The following DPH6 variants were observed in gnomAD, a reference collection of about 807,000 sequenced individuals.
The protein encoded by DPH6 is diphthine--ammonia ligase.
In DPH6, 33 loss-of-function variants were observed where a neutral mutation model predicts 38.2. The ratio of observed to expected loss-of-function variants is 0.86; its 90% CI spans 0.65 to 1.15. The LOEUF is 1.15. DPH6 is among the 50% of genes most tolerant of loss of function. The pLI is 0.00. For synonymous variants in DPH6, 108 were observed against 103.0 expected, an observed-to-expected ratio of 1.05 and a Z score of -0.30; for missense variants, 325 against 320.0, an observed-to-expected ratio of 1.02 and a Z score of -0.12.
At chr15:35,313,840 A>G (rs1299011427) in intron 3 of DPH6, among the ~76,000 whole-genome samples, 1 of 152,180 alleles carries the variant, frequency 6.6e-6, no homozygotes, top group Non-Finnish European at 1.5e-5. Context: ...CTATGAAACT[A>G]CTAGAAGAAA....
intron 6 of DPH6, among the ~76,000 whole-genome samples, chr15:35,403,977 G>A (rs1179696792): frequency 6.6e-6 from 1 of 152,070 alleles, no homozygotes; most frequent in Non-Finnish European, 1.5e-5. Flanking sequence ...AATGTGTGAT[G>A]TTTGTATTTC....
At chr15:35,167,074 A>G in the DPH6 span, among the ~76,000 whole-genome samples, 4 of 152,048 alleles carry the variant, frequency 2.6e-5, no homozygotes, top group African/African-American at 9.7e-5. Flanking sequence ...CAGATTAGGG[A>G]AATCTATTTA....
At chr15:35,420,811 G>T (rs891093768) in intron 5 of DPH6, among the ~76,000 whole-genome samples, 8 of 152,114 alleles carry the variant, frequency 5.3e-5, no homozygotes, top group Non-Finnish European at 8.8e-5. Context: ...ACTGTGCCTG[G>T]CCTAAAACTG....
the DPH6 span, among the ~76,000 whole-genome samples, chr15:35,151,725 C>T: frequency 1.3e-5 from 2 of 152,134 alleles, no homozygotes; most frequent in African/African-American, 4.8e-5. Context: ...TCTGGGCCAC[C>T]CTTGACCCTG....
downstream of DPH6, among the ~76,000 whole-genome samples, chr15:35,326,607 A>G (rs1441936941): frequency 6.6e-6 from 1 of 151,908 alleles, no homozygotes; most frequent in African/African-American, 2.4e-5. Flanking sequence ...AATTTTTAAA[A>G]AAATTTTTTG....
chr15:35,402,029 T>C (rs917995663), intron 6 of DPH6, among the ~76,000 whole-genome samples: 3 of 152,236 alleles, frequency 2.0e-5, no homozygotes, highest in Admixed American at 1.3e-4. Flanking sequence ...GGTATCAATG[T>C]AGATGTTTTT....
chr15:35,172,569 T>C, the DPH6 span, among the ~76,000 whole-genome samples: 2 of 152,188 alleles, frequency 1.3e-5, no homozygotes, highest in African/African-American at 4.8e-5. Flanking sequence ...ATACAGAGCA[T>C]CATTTGTGGT....
chr15:35,255,918 A>G (rs1292090287), intron 3 of DPH6, among the ~76,000 whole-genome samples: 2 of 152,154 alleles, frequency 1.3e-5, no homozygotes, highest in Non-Finnish European at 2.9e-5. Flanking sequence ...CACACATCAT[A>G]TGTGCACACA....
chr15:35,436,494 C>CAAACAAA lies in DPH6; in HGVS notation c.505+14190_505+14191insTTTGTTT, dbSNP rs1566909220. Among the ~76,000 whole-genome samples, 3 of 9,134 alleles carry CAAACAAA rather than the reference C, an allele frequency of 3.3e-4. 1 individual carries two copies. The highest frequency in any genetic ancestry group is 7.3e-4 in the African/African-American group (3 of 4,130). The allele number at this position is 9,134 out of a possible 152,430, so 6.0% of individuals were successfully genotyped here. On this transcript the variant is annotated intron_variant, in intron 5 of 8. Coordinates refer to ENST00000256538, the MANE Select transcript of DPH6 (RefSeq NM_080650.4). ...CAAAACAAACAAAAACAAAACAAAA[C>CAAACAAA]AAAACAAAACAAAACAAAACAAAAA...
chr15:35,369,056 A>G (rs2052687129), downstream of DPH6, among the ~76,000 whole-genome samples: 2 of 151,882 alleles, frequency 1.3e-5, no homozygotes, highest in East Asian at 3.9e-4. Flanking sequence ...GAAGCTACTG[A>G]AGAAGATAGG....
the DPH6 span, among the ~76,000 whole-genome samples, chr15:35,161,688 T>C: frequency 6.7e-3 from 247 of 36,678 alleles, no homozygotes; most frequent in African/African-American, 0.021. Flanking sequence ...AGCTTGCTAG[T>C]GTGCTCGCTC....
At chr15:35,319,612 G>A (rs374143938) in intron 3 of DPH6, among the ~76,000 whole-genome samples, 9 of 152,132 alleles carry the variant, frequency 5.9e-5, no homozygotes, top group African/African-American at 1.7e-4. Flanking sequence ...GTGTTGGTGC[G>A]TGCCTATAAT....
chr15:35,543,726 G>A (rs912924241), intron 1 of DPH6, among the ~76,000 whole-genome samples: 1 of 152,072 alleles, frequency 6.6e-6, no homozygotes, highest in African/African-American at 2.4e-5. Flanking sequence ...CAAGTGGAAG[G>A]AGAGCACAAG....
chr15:35,491,602 C>A (rs993936696), intron 3 of DPH6, among the ~76,000 whole-genome samples: 4 of 149,522 alleles, frequency 2.7e-5, no homozygotes, highest in Non-Finnish European at 6.0e-5. Flanking sequence ...TTCTCTCTCT[C>A]GATATATATA....
intron 3 of DPH6, among the ~76,000 whole-genome samples, chr15:35,477,832 T>C (rs1298633458): frequency 6.6e-6 from 1 of 151,952 alleles, no homozygotes; most frequent in East Asian, 1.9e-4. Context: ...ATTTAATTAG[T>C]ATATTACATG....
At chr15:35,349,880 T>C (rs1188519627) in intron 3 of DPH6, among the ~76,000 whole-genome samples, 1 of 152,244 alleles carries the variant, frequency 6.6e-6, no homozygotes, top group African/African-American at 2.4e-5. Context: ...CTGAAGATTT[T>C]TGCATCGACA....
intron 5 of DPH6, among the ~76,000 whole-genome samples, chr15:35,421,371 T>C (rs1167531836): frequency 6.6e-6 from 1 of 152,210 alleles, no homozygotes; most frequent in Non-Finnish European, 1.5e-5. Flanking sequence ...AGATATTTTA[T>C]AGATTCACTT....
intron 3 of DPH6, among the ~76,000 whole-genome samples, chr15:35,249,412 C>A (rs1394829440): frequency 6.6e-6 from 1 of 152,080 alleles, no homozygotes; most frequent in Non-Finnish European, 1.5e-5. Flanking sequence ...CTTTTCAAAG[C>A]ATAAAGTCCT....
the DPH6 span, among the ~76,000 whole-genome samples, chr15:35,172,645 A>G: frequency 6.6e-6 from 1 of 152,118 alleles, no homozygotes; most frequent in African/African-American, 2.4e-5. Flanking sequence ...CAATAACTTA[A>G]CTCTCAGAAA....
Sources: allele counts gnomAD v4.1 joint callset (sites outside exome capture counted in the v4.1 genomes callset), GRCh38; gene constraint gnomAD v4.1.1; transcripts MANE v1.5; gene names NCBI Gene and HGNC (gene_info 2026-07-23, HGNC 2026-07-21).